Variants in PSD2 observed in about 807,000 individuals in gnomAD.
PSD2 encodes PH and SEC7 domain-containing protein 2.
Under a neutral mutation model 69.8 loss-of-function variants are expected in PSD2, and 38 were observed. The ratio of observed to expected loss-of-function variants is 0.54; its 90% CI spans 0.42 to 0.71. PSD2 has a LOEUF of 0.71. Ranked by LOEUF, PSD2 falls within the 30% of genes least tolerant of loss-of-function variation. PSD2 has a pLI of 0.00. For synonymous variants in PSD2, 412 were observed against 423.0 expected (o/e 0.97, Z 0.32); for missense variants, 943 against 1,014.5 (o/e 0.93, Z 0.96).
chr5:139,748,687 G>T, the PSD2 span, among the ~76,000 whole-genome samples: 5 of 152,268 alleles, frequency 3.3e-5, no homozygotes, highest in African/African-American at 1.2e-4. Context: ...GAGAACAAAG[G>T]CCGGGCAGGT....
chr5:139,831,249 GTTC>G (rs1760593323), intron 7 of PSD2, among the ~76,000 whole-genome samples: 1 of 151,996 alleles, frequency 6.6e-6, no homozygotes, highest in African/African-American at 2.4e-5. Context: ...CTATACTGGA[GTTC>G]TTTTGTTAGT....
the PSD2 span, among the ~76,000 whole-genome samples, chr5:139,787,128 A>C: frequency 6.6e-6 from 1 of 152,058 alleles, no homozygotes. Context: ...CATGGAGGGC[A>C]CTCACTTAGC....
intron 1 of PSD2, among the ~76,000 whole-genome samples, chr5:139,800,858 T>TAGGGGGATG (rs1249349304): frequency 4.6e-5 from 7 of 152,188 alleles, no homozygotes; most frequent in African/African-American, 1.7e-4. Flanking sequence ...TGGGTCCCCC[T>TAGGGGGATG]CTCTGCTAGA....
At chr5:139,817,234 C>T (rs767609351) in intron 4 of PSD2, among the ~76,000 whole-genome samples, 15 of 152,222 alleles carry the variant, frequency 9.9e-5, no homozygotes, top group Admixed American at 1.3e-4. Flanking sequence ...ATCATCCCAC[C>T]CCTACTCCCT....
chr5:139,824,539 G>A (rs1005458370), intron 7 of PSD2, among the ~76,000 whole-genome samples: 3 of 151,836 alleles, frequency 2.0e-5, no homozygotes, highest in Admixed American at 2.0e-4. Context: ...TGGGACTACA[G>A]GCACCTGCCA....
In PSD2 at chr5:139,816,337, A is replaced by G. The variant is rs141114654; in HGVS notation, c.1017-1144A>G. On this transcript the variant is annotated intron_variant, in intron 4 of 14. Transcript: ENST00000274710. ...TTAATTTTCTCTGATTGTCTAAAAA[A>G]TGTTGGTTTATTGAAATCAAGATTC... 3.2e-3 allele frequency among the ~76,000 whole-genome samples: 480 copies of G among 152,328 alleles called. 1 individual carries two copies. The highest frequency in any genetic ancestry group is 0.011 in the African/African-American group (461 of 41,566).
At position 139,809,690 on chromosome 5, in the gene PSD2, G is replaced by A. The variant is rs148759979; in HGVS notation, c.250G>A (p.Gly84Arg). The A allele has an allele frequency of 1.8e-5, 29 of 1,614,138 alleles. No individual in the cohort carries two copies. Among genetic ancestry groups the A allele is most frequent in the Middle Eastern group, 3.3e-4 (2 of 6,084 alleles). ...CTCTCTCACCAATGGCCTAGCCCTG[G>A]GGCCAGACTTGAACATTCTGGAAGA... ...GLSLTNGLAL[G>R]PDLNILEDSA... is the part of the protein sequence containing the mutation. The change falls in exon 2 of 15, where the codon GGG (glycine) becomes AGG (arginine). Residue 84 changes from glycine to arginine, a missense_variant. Physicochemically the swap from Gly to Arg is moderately radical, Grantham distance 125. Transcript: ENST00000274710.
chr5:139,785,496 T>A, the PSD2 span, among the ~76,000 whole-genome samples: 1 of 152,234 alleles, frequency 6.6e-6, no homozygotes, highest in Admixed American at 6.5e-5. Flanking sequence ...AGTGCTGGGA[T>A]TACAGGTGTG....
intron 5 of PSD2, among the ~76,000 whole-genome samples, chr5:139,818,218 A>G (rs559233042): frequency 6.6e-6 from 1 of 152,212 alleles, no homozygotes; most frequent in African/African-American, 2.4e-5. Context: ...AGACATCTTG[A>G]CTGTGTTCCA....
chr5:139,813,475 CT>C lies in PSD2; in HGVS notation c.539del (p.Leu180ProfsTer56). 1 of 1,613,898 alleles carries C rather than the reference CT, an allele frequency of 6.2e-7. No homozygotes were observed. Among genetic ancestry groups the C allele is most frequent in the Non-Finnish European group, 8.5e-7 (1 of 1,179,836 alleles). On this transcript the variant is annotated frameshift_variant, in exon 3 of 15. Transcript: ENST00000274710. LOFTEE classifies it high-confidence loss of function. ...SDSCVSFEAP[L>X]TPLIQQRARD... The stretch of plus-strand genomic sequence containing the variant: ...CAGCTGCGTCAGCTTCGAGGCCCCC[CT>C]CACACCCCTCATCCAGCAGCGGGCC...
At chr5:139,757,168 C>T in the PSD2 span, among the ~76,000 whole-genome samples, 2 of 152,200 alleles carry the variant, frequency 1.3e-5, no homozygotes, top group Admixed American at 6.5e-5. Flanking sequence ...CCCTCCTGGG[C>T]TCTGGGATGG....
the PSD2 span, among the ~76,000 whole-genome samples, chr5:139,761,599 A>AGTTTCCCTTATTTCCT: frequency 1.3e-5 from 2 of 152,118 alleles, no homozygotes; most frequent in East Asian, 3.8e-4. Context: ...CGTGGACACC[A>AGTTTCCCTTATTTCCT]GTTTCCCTTA....
At chr5:139,822,147 A>G in intron 6 of PSD2, 142 bp downstream of exon 6, 1 of 541,996 alleles carries the variant, frequency 1.8e-6, no homozygotes, top group East Asian at 3.1e-5. Flanking sequence ...GTAGGTGCTC[A>G]ATGAATGCTA....
the PSD2 span, among the ~76,000 whole-genome samples, chr5:139,766,070 G>A: frequency 6.6e-6 from 1 of 152,150 alleles, no homozygotes; most frequent in African/African-American, 2.4e-5. Flanking sequence ...CTGGATGAAG[G>A]GAGAACATTG....
At chr5:139,779,831 C>T in the PSD2 span, among the ~76,000 whole-genome samples, 5 of 152,272 alleles carry the variant, frequency 3.3e-5, no homozygotes, top group East Asian at 7.7e-4. Flanking sequence ...TCTGGAGCTT[C>T]GTCCTGTTGT....
At chr5:139,754,345 T>A in the PSD2 span, among the ~76,000 whole-genome samples, 1 of 151,982 alleles carries the variant, frequency 6.6e-6, no homozygotes, top group Non-Finnish European at 1.5e-5. Context: ...GATGGTAGGA[T>A]CACTTGAGCC....
chr5:139,810,889 C>A (rs1319161607), intron 2 of PSD2, among the ~76,000 whole-genome samples: 1 of 152,018 alleles, frequency 6.6e-6, no homozygotes, highest in Non-Finnish European at 1.5e-5. Context: ...TGGAGGCTTG[C>A]AGATTGGACT....
chr5:139,749,436 G>A, the PSD2 span, among the ~76,000 whole-genome samples: 1 of 152,214 alleles, frequency 6.6e-6, no homozygotes, highest in African/African-American at 2.4e-5. Context: ...AGCAACAGCA[G>A]CAGCCACTGC....
At chr5:139,745,645 G>A in the PSD2 span, among the ~76,000 whole-genome samples, 2 of 152,248 alleles carry the variant, frequency 1.3e-5, no homozygotes, top group East Asian at 3.8e-4. Context: ...TGCTGGATGC[G>A]GTAGTGCGGG....
Sources: gnomAD v4.1 joint callset for allele counts (sites outside exome capture counted in the v4.1 genomes callset) on GRCh38, gnomAD v4.1.1 for gene constraint, MANE v1.5 for transcripts, NCBI Gene and HGNC (gene_info 2026-07-23, HGNC 2026-07-21) for gene names.